ADGRF5: variants seen among roughly 807,000 people sequenced by gnomAD.
ADGRF5 encodes adhesion G protein-coupled receptor F5.
ADGRF5 carries 75 observed loss-of-function variants against 132.3 expected under a neutral mutation model. The observed-to-expected ratio is 0.57, with a 90% confidence interval of 0.47 to 0.69. The LOEUF (loss-of-function observed/expected upper bound fraction) is 0.69. ADGRF5 is among the 30% of genes least tolerant of loss of function. The pLI is 0.00. For missense variants in ADGRF5, 1,516 were observed against 1,630.6 expected (o/e 0.93, Z 1.21); for synonymous variants, 629 against 597.6 (o/e 1.05, Z -0.77).
intron 2 of ADGRF5, among the ~76,000 whole-genome samples, chr6:46,902,120 T>C (rs931421214): frequency 6.6e-6 from 1 of 152,248 alleles, no homozygotes; most frequent in Admixed American, 6.5e-5. Flanking sequence ...TACTTGAATA[T>C]GCAGGAACTG....
intron 1 of ADGRF5, among the ~76,000 whole-genome samples, chr6:46,947,747 A>G (rs1433393596): frequency 6.6e-6 from 1 of 152,190 alleles, no homozygotes; most frequent in Non-Finnish European, 1.5e-5. Flanking sequence ...AAACAAAACA[A>G]TCCATGAAGG....
At chr6:46,857,974 T>A (rs1562135371) in intron 17 of ADGRF5, among the ~76,000 whole-genome samples, 155 bp downstream of exon 17, 1 of 152,202 alleles carries the variant, frequency 6.6e-6, no homozygotes, top group Non-Finnish European at 1.5e-5. Flanking sequence ...ATGTGTCCTT[T>A]CCATCTGATT....
At chr6:46,893,057 G>GTTTTT (rs1292781793) in intron 3 of ADGRF5, among the ~76,000 whole-genome samples, 1 of 85,278 alleles carries the variant, frequency 1.2e-5, no homozygotes, top group African/African-American at 3.4e-5. Context: ...GGACAACAGG[G>GTTTTT]ATTTTTTTTT....
chr6:46,899,481 G>T (rs545310533), intron 3 of ADGRF5, among the ~76,000 whole-genome samples: 2 of 152,124 alleles, frequency 1.3e-5, no homozygotes, highest in South Asian at 4.2e-4. Context: ...TTTGAGGGTC[G>T]GTGTTTCAGA....
chr6:46,901,703 A>C (rs1186112863), intron 2 of ADGRF5, among the ~76,000 whole-genome samples: 3 of 152,016 alleles, frequency 2.0e-5, no homozygotes, highest in Admixed American at 2.0e-4. Context: ...CAGGCACTGC[A>C]TCATCTTATC....
rs538412496 is a variant in ADGRF5, at chr6:46,943,162, A to C, written c.-25+11572T>G. ...GAAACTTACACATACAAAAAAAAAA[A>C]CAAGCATAATTGCCTGCTAAAGTAA... On this transcript the variant is annotated intron_variant, in intron 1 of 20. Coordinates refer to the ADGRF5 transcript ENST00000265417. Among the ~76,000 whole-genome samples the C allele has an allele frequency of 1.1e-4, 17 of 152,134 alleles. No individual in the cohort carries two copies. In the South Asian group the frequency reaches 2.9e-3, roughly 26 times the overall value.
chr6:46,911,078 A>G (rs1418103245), intron 1 of ADGRF5, among the ~76,000 whole-genome samples: 1 of 152,120 alleles, frequency 6.6e-6, no homozygotes. Flanking sequence ...CCCCTCATGT[A>G]CACCATGGCA....
At chr6:46,922,652 G>A (rs925542948), upstream of ADGRF5, among the ~76,000 whole-genome samples, 11 of 152,170 alleles carry the variant, frequency 7.2e-5, no homozygotes, top group African/African-American at 2.7e-4. Context: ...GGCCCAAGGA[G>A]AACCCTTCCC....
intron 10 of ADGRF5, among the ~76,000 whole-genome samples, chr6:46,874,460 T>A (rs1364608311): frequency 6.6e-6 from 1 of 152,196 alleles, no homozygotes; most frequent in Non-Finnish European, 1.5e-5. Flanking sequence ...AATGATAGTG[T>A]GCAGTGGGTA....
chr6:46,874,273 G>A (rs1771398627), intron 10 of ADGRF5, among the ~76,000 whole-genome samples: 1 of 152,040 alleles, frequency 6.6e-6, no homozygotes, highest in Admixed American at 6.5e-5. Flanking sequence ...ATCTCCTGGG[G>A]CTTGAACATG....
intron 10 of ADGRF5, among the ~76,000 whole-genome samples, chr6:46,875,793 A>G (rs1365100305): frequency 6.6e-6 from 1 of 152,108 alleles, no homozygotes; most frequent in African/African-American, 2.4e-5. Flanking sequence ...ACAAACAAAC[A>G]AACAAAAAAC....
intron 10 of ADGRF5, among the ~76,000 whole-genome samples, chr6:46,873,296 G>A (rs374682030): frequency 1.8e-4 from 27 of 152,104 alleles, no homozygotes; most frequent in African/African-American, 6.5e-4. Flanking sequence ...TTCTGTGTTT[G>A]CCACTTCCAA....
intron 1 of ADGRF5, among the ~76,000 whole-genome samples, chr6:46,915,283 C>T (rs993420495): frequency 1.5e-5 from 2 of 132,942 alleles, no homozygotes; most frequent in African/African-American, 6.4e-5. Context: ...TAATACTTGA[C>T]TATTTTAATA....
intron 1 of ADGRF5, among the ~76,000 whole-genome samples, chr6:46,911,203 A>G (rs1370840851): frequency 1.3e-5 from 2 of 152,218 alleles, no homozygotes; most frequent in Admixed American, 6.5e-5. Context: ...TTCAGAATAA[A>G]GGAAATCACT....
intron 11 of ADGRF5, 82 bp downstream of exon 11, chr6:46,871,761 T>A: frequency 1.0e-6 from 1 of 971,436 alleles, no homozygotes; most frequent in African/African-American, 1.6e-5. Flanking sequence ...CTCATAGATA[T>A]TTCCATAGCT....
rs1373211811 is a variant in ADGRF5 at position 46,858,884 on chromosome 6, G to C, written c.3019C>G (p.Leu1007Val). The stretch of plus-strand genomic sequence containing the variant: ...ATAATATCCAGGAGTATTCCCAGGA[G>C]AGAACTAGGATCTGGGGAGTCAGGG... Reference protein sequence around the residue: ...MSPDSPDPSSLLGILLDIISY... With the variant: ...MSPDSPDPSSVLGILLDIISY... Residue 1007 changes from leucine (L) to valine (V), a missense_variant, in exon 17 of 21, where the codon CTC (leucine) becomes GTC (valine). This residue lies in a region of ADGRF5 where 571 missense variants were observed against 701.2 expected (regional missense o/e 0.81). Transcript: ENST00000283296. 1.9e-6 allele frequency: 3 copies of C among 1,613,954 alleles called. No homozygotes were observed. The highest frequency in any genetic ancestry group is 2.5e-6 in the Non-Finnish European group (3 of 1,179,942).
At chr6:46,877,720 G>T (rs1581810071) in intron 10 of ADGRF5, among the ~76,000 whole-genome samples, 1 of 152,062 alleles carries the variant, frequency 6.6e-6, no homozygotes, top group Admixed American at 6.6e-5. Flanking sequence ...GAGGGATAAA[G>T]CTGGAGGCAC....
At chr6:46,906,048 C>T (rs1297372552) in intron 2 of ADGRF5, among the ~76,000 whole-genome samples, 1 of 152,150 alleles carries the variant, frequency 6.6e-6, no homozygotes, top group African/African-American at 2.4e-5. Flanking sequence ...TAAGGAATAA[C>T]CTGAAAATTC....
chr6:46,932,810 C>T (rs1202007281), intron 1 of ADGRF5, among the ~76,000 whole-genome samples: 1 of 152,056 alleles, frequency 6.6e-6, no homozygotes, highest in Non-Finnish European at 1.5e-5. Context: ...TAATCGTGTC[C>T]CTATACTAAG....
Sources: gnomAD v4.1 joint callset for allele counts (sites outside exome capture counted in the v4.1 genomes callset) on GRCh38, gnomAD v4.1.1 for gene constraint, gnomAD v4.1.1 regional missense constraint, MANE v1.5 for transcripts, NCBI Gene and HGNC (gene_info 2026-07-23, HGNC 2026-07-21) for gene names.